POLR3B: variants seen among roughly 807,000 people sequenced by gnomAD.
The protein encoded by POLR3B is DNA-directed RNA polymerase III subunit RPC2.
Under a neutral mutation model 147.4 loss-of-function variants are expected in POLR3B, and 96 were observed. The observed-to-expected ratio is 0.65, with a 90% CI of 0.55 to 0.77. The LOEUF is 0.77. Ranked by LOEUF, POLR3B falls within the 30% of genes least tolerant of loss-of-function variation. POLR3B has a pLI of 0.00. For synonymous variants in POLR3B, 461 were observed against 485.9 expected (o/e 0.95, Z 0.67); for missense variants, 1,036 against 1,413.5 (o/e 0.73, Z 4.28).
intron 1 of POLR3B, among the ~76,000 whole-genome samples, chr12:106,360,614 G>C (rs1332078230): frequency 6.6e-6 from 1 of 152,188 alleles, no homozygotes; most frequent in African/African-American, 2.4e-5. Context: ...TAGGAGCTCA[G>C]TTTTACTTGA....
intron 23 of POLR3B, among the ~76,000 whole-genome samples, chr12:106,486,419 G>T (rs990196838): frequency 2.6e-5 from 4 of 151,908 alleles, no homozygotes; most frequent in Admixed American, 2.6e-4. Flanking sequence ...CAAGCATATG[G>T]CTCATTTGGT....
intron 12 of POLR3B, among the ~76,000 whole-genome samples, chr12:106,425,648 C>A (rs2037425589): frequency 6.6e-6 from 1 of 152,140 alleles, no homozygotes; most frequent in Non-Finnish European, 1.5e-5. Context: ...CTCACTGCAG[C>A]CTTTCATGAG....
intron 16 of POLR3B, 69 bp from the exon 17 acceptor site, chr12:106,436,988 G>A: frequency 8.3e-7 from 1 of 1,201,536 alleles, no homozygotes. Context: ...TCTCACTTTG[G>A]TAAACTAACT....
In POLR3B at chr12:106,409,280, A is replaced by AT. The variant is rs2136935381; in HGVS notation, c.967-1545dup. On this transcript the variant is annotated intron_variant, in intron 11 of 27. Transcript: ENST00000228347. The stretch of plus-strand genomic sequence containing the variant: ...TACCAATTGAAAATGTAAATTACTT[A>AT]TAGCTGCCCAGACACTGAGTTTTTC... Among the ~76,000 whole-genome samples, 2 of 149,084 alleles carry AT rather than the reference A, an allele frequency of 1.3e-5. 1 individual carries two copies. Among genetic ancestry groups the AT allele is most frequent in the South Asian group, 4.3e-4 (2 of 4,660 alleles).
chr12:106,425,364 C>T (rs1356790256), intron 12 of POLR3B, among the ~76,000 whole-genome samples: 2 of 152,134 alleles, frequency 1.3e-5, no homozygotes, highest in Non-Finnish European at 1.5e-5. Context: ...AGAGGATTTG[C>T]TGGACCTCTT....
At chr12:106,395,015 T>A (rs1032050245) in intron 10 of POLR3B, among the ~76,000 whole-genome samples, 4 of 152,194 alleles carry the variant, frequency 2.6e-5, no homozygotes, top group Non-Finnish European at 5.9e-5. Flanking sequence ...CTCACATTGC[T>A]ATAAAGAAAC....
At chr12:106,393,249 A>T in intron 10 of POLR3B, 96 bp downstream of exon 10, 1 of 1,544,634 alleles carries the variant, frequency 6.5e-7, no homozygotes, top group Non-Finnish European at 8.9e-7. Context: ...CTTTGGGCTC[A>T]TAGATTTGGG....
At chr12:106,385,809 CTA>C (rs2036828153) in intron 9 of POLR3B, among the ~76,000 whole-genome samples, 1 of 152,132 alleles carries the variant, frequency 6.6e-6, no homozygotes, top group Non-Finnish European at 1.5e-5. Context: ...TTATTGTAGC[CTA>C]ATGTGCTTTT....
chr12:106,376,324 A>G (rs780864226), intron 6 of POLR3B, 35 bp from the exon 7 acceptor site: 19 of 1,402,970 alleles, frequency 1.4e-5, no homozygotes, highest in East Asian at 2.3e-5. Flanking sequence ...TTGACAGCCT[A>G]CATGTGATAT....
intron 19 of POLR3B, among the ~76,000 whole-genome samples, chr12:106,450,860 G>A (rs1458348288): frequency 6.6e-6 from 1 of 152,080 alleles, no homozygotes; most frequent in Non-Finnish European, 1.5e-5. Flanking sequence ...ATTTACCCAA[G>A]TAATGAAAAA....
chr12:106,412,235 T>C (rs995315529), intron 12 of POLR3B, among the ~76,000 whole-genome samples: 1 of 152,102 alleles, frequency 6.6e-6, no homozygotes, highest in Non-Finnish European at 1.5e-5. Flanking sequence ...TTTAAGACCC[T>C]CTGAACTTGG....
intron 22 of POLR3B, among the ~76,000 whole-genome samples, chr12:106,462,724 T>C (rs1303250023): frequency 6.6e-6 from 1 of 152,196 alleles, no homozygotes; most frequent in Non-Finnish European, 1.5e-5. Flanking sequence ...TCACCTCTTA[T>C]TCTCCAAAAT....
At position 106,494,145 on chromosome 12, in the gene POLR3B, G is replaced by A. The variant is rs79766538; in HGVS notation, c.2714-1910G>A. Reference sequence around the variant, plus strand: ...TTAGAGATTCACATTTCAGTGGAACGAGCACTTTTTTCATTTTAATAACAT... The same window carrying A: ...TTAGAGATTCACATTTCAGTGGAACAAGCACTTTTTTCATTTTAATAACAT... On this transcript the variant is annotated intron_variant, in intron 23 of 27. Coordinates refer to ENST00000228347, the MANE Select transcript of POLR3B (RefSeq NM_018082.6). Among the ~76,000 whole-genome samples, 257 of 152,248 alleles carry A rather than the reference G, an allele frequency of 1.7e-3. No individual in the cohort carries two copies. The East Asian group carries it at 0.023, about 14-fold the overall frequency.
intron 12 of POLR3B, among the ~76,000 whole-genome samples, chr12:106,421,809 C>T (rs1008459244): frequency 6.6e-6 from 1 of 152,152 alleles, no homozygotes; most frequent in Admixed American, 6.5e-5. Flanking sequence ...AGGTGATCCT[C>T]CTGCCTCAGC....
intron 1 of POLR3B, among the ~76,000 whole-genome samples, chr12:106,361,053 G>C (rs1329679872): frequency 6.6e-6 from 1 of 152,190 alleles, no homozygotes; most frequent in Non-Finnish European, 1.5e-5. Context: ...TATGATGTAT[G>C]CCTCGCTGTG....
At chr12:106,467,691 T>C (rs570151404) in intron 23 of POLR3B, among the ~76,000 whole-genome samples, 1 of 152,370 alleles carries the variant, frequency 6.6e-6, no homozygotes, top group East Asian at 1.9e-4. Flanking sequence ...AAAGGCCTTT[T>C]CTGCATCTAT....
intron 27 of POLR3B, chr12:106,507,757 C>T (rs2038712219): frequency 2.2e-6 from 1 of 455,886 alleles, no homozygotes; most frequent in East Asian, 6.9e-5. Flanking sequence ...ACTCTGTCTG[C>T]ATAGTTACCA....
intron 12 of POLR3B, among the ~76,000 whole-genome samples, chr12:106,422,373 T>G (rs2136948939): frequency 6.6e-6 from 1 of 152,338 alleles, no homozygotes; most frequent in Non-Finnish European, 1.5e-5. Context: ...CCCCAGAAAC[T>G]GAGCAGATGG....
intron 9 of POLR3B, 29 bp downstream of exon 9, chr12:106,380,168 G>T: frequency 8.1e-7 from 1 of 1,233,298 alleles, no homozygotes; most frequent in South Asian, 1.2e-5. Flanking sequence ...TCTGAAAATT[G>T]TAAGAATTCT....
Sources: gnomAD v4.1 joint callset for allele counts (sites outside exome capture counted in the v4.1 genomes callset) on GRCh38, gnomAD v4.1.1 for gene constraint, MANE v1.5 for transcripts, NCBI Gene and HGNC (gene_info 2026-07-23, HGNC 2026-07-21) for gene names.